PRKCH: variants seen among roughly 807,000 people sequenced by gnomAD.
The protein encoded by PRKCH is protein kinase C eta type.
A neutral mutation model predicts 82.5 loss-of-function variants in PRKCH; 28 were observed. The observed-to-expected ratio is 0.34, with a 90% confidence interval of 0.25 to 0.47. The LOEUF is 0.47. Ranked by LOEUF, PRKCH falls within the 20% of genes least tolerant of loss-of-function variation. The pLI, the probability that PRKCH is intolerant of heterozygous loss-of-function variation, is 1.00. For missense variants in PRKCH, 705 were observed against 881.8 expected, an observed-to-expected ratio of 0.80 and a Z score of 2.54; for synonymous variants, 322 against 327.4, an observed-to-expected ratio of 0.98 and a Z score of 0.18.
chr14:61,361,017 A>C (rs772462471), intron 1 of PRKCH: 1 of 152,248 alleles, frequency 6.6e-6, no homozygotes, highest in Non-Finnish European at 1.5e-5. Flanking sequence ...CATGATTGAC[A>C]ACCCCAGTGG....
At chr14:61,397,225 G>T (rs1218250254) in intron 2 of PRKCH, among the ~76,000 whole-genome samples, 9 of 152,186 alleles carry the variant, frequency 5.9e-5, no homozygotes, top group Non-Finnish European at 1.0e-4. Flanking sequence ...CACTGGATGT[G>T]GAGGATGAAG....
chr14:61,197,999 CG>C (rs1255097979), intron 1 of PRKCH, among the ~76,000 whole-genome samples: 3 of 152,020 alleles, frequency 2.0e-5, no homozygotes, highest in African/African-American at 4.8e-5. Context: ...ACTGGAATCC[CG>C]TGAGGTTTAA....
intron 2 of PRKCH, among the ~76,000 whole-genome samples, chr14:61,427,170 T>C (rs553653286): frequency 1.3e-5 from 2 of 152,120 alleles, no homozygotes; most frequent in Admixed American, 1.3e-4. Context: ...GGGAGTTGTA[T>C]GGGGGAGGGT....
chr14:61,502,362 A>G lies in PRKCH; in HGVS notation c.1433+16706A>G, dbSNP rs560318044. ...AGACATGAGCCACCATGCCCATTCAATCTTTTCTTTTATCAGAAGGGTCTA... is the reference window on the plus strand; with the variant it reads ...AGACATGAGCCACCATGCCCATTCAGTCTTTTCTTTTATCAGAAGGGTCTA... On this transcript the variant is annotated intron_variant, in intron 10 of 13. Coordinates refer to ENST00000332981, the MANE Select transcript of PRKCH (RefSeq NM_006255.5). Among the ~76,000 whole-genome samples the G allele has an allele frequency of 1.0e-3, 152 of 152,190 alleles. 3 individuals are homozygous for G. Among genetic ancestry groups the G allele is most frequent in the African/African-American group, 3.6e-3 (150 of 41,502 alleles).
In PRKCH at chr14:61,280,055, T is replaced by C. The variant is rs1174324083; in HGVS notation, c.-19+92387T>C. 1 of 1,537,910 alleles carries C rather than the reference T, an allele frequency of 6.5e-7. No individual in the cohort carries two copies. Among genetic ancestry groups the C allele is most frequent in the Non-Finnish European group, 8.8e-7 (1 of 1,141,790 alleles). On this transcript the variant is annotated intron_variant, in intron 1 of 3. Coordinates refer to the PRKCH transcript ENST00000555185. This position sits in a 1 kb window ranked among gnomAD's most constrained non-coding sequence, Gnocchi z 5.0. ...ATGCCAAAAGCACCTTGCAAGAGTT[T>C]TGGCAAGAAGCAGGAGGGATCCCTG...
chr14:61,222,849 C>T (rs1332661777), intron 1 of PRKCH, among the ~76,000 whole-genome samples: 1 of 152,182 alleles, frequency 6.6e-6, no homozygotes, highest in African/African-American at 2.4e-5. Flanking sequence ...AAATTTGAAC[C>T]TCAAAGATTC....
Position 61,485,619 on chromosome 14 carries a change from G to C in PRKCH, c.1396G>C (p.Ala466Pro). ...CTTCTATGCTGCAGAAATCATTTCGGCTCTCATGTTCCTCCATGATAAAGG... is the reference window on the plus strand; with the variant it reads ...CTTCTATGCTGCAGAAATCATTTCGCCTCTCATGTTCCTCCATGATAAAGG... ...ARFYAAEIISALMFLHDKGII... is the reference protein window; with the variant it reads ...ARFYAAEIISPLMFLHDKGII... The change falls in exon 10 of 14, where the codon GCT becomes CCT. Residue 466 changes from alanine (A) to proline (P), a missense_variant. Ala to Pro is a conservative substitution (Grantham distance 27). Around this residue, in one of 5 missense-constraint regions of PRKCH, gnomAD observed 238 missense variants for 258.1 expected, o/e 0.92. Transcript: ENST00000332981. 1 of 1,614,076 alleles carries C rather than the reference G, an allele frequency of 6.2e-7. No individual in the cohort carries two copies. The highest frequency in any genetic ancestry group is 8.5e-7 in the Non-Finnish European group (1 of 1,179,984).
intron 1 of PRKCH, among the ~76,000 whole-genome samples, chr14:61,213,367 A>G (rs1271084814): frequency 6.6e-6 from 1 of 152,202 alleles, no homozygotes; most frequent in African/African-American, 2.4e-5. Flanking sequence ...CAAGGTCTAT[A>G]AAATCCCATC....
At chr14:61,537,223 C>T (rs1040373067) in intron 12 of PRKCH, among the ~76,000 whole-genome samples, 1 of 152,188 alleles carries the variant, frequency 6.6e-6, no homozygotes, top group African/African-American at 2.4e-5. Context: ...AGCAGCCTGA[C>T]CTGCGACTCG....
chr14:61,503,001 CTTTTTTTTTT>C (rs34050696), intron 10 of PRKCH, among the ~76,000 whole-genome samples: 1 of 80,320 alleles, frequency 1.2e-5, no homozygotes, highest in Admixed American at 1.4e-4. Context: ...GGGAAGCAGG[CTTTTTTTTTT>C]TTTTTTTTTT....
chr14:61,457,840 G>C (rs1223730089), intron 9 of PRKCH, among the ~76,000 whole-genome samples, 161 bp downstream of exon 9: 2 of 152,198 alleles, frequency 1.3e-5, no homozygotes, highest in African/African-American at 4.8e-5. Context: ...CCAACCTCTG[G>C]AGGAAAAATG....
At chr14:61,471,784 C>T (rs948458052) in intron 9 of PRKCH, among the ~76,000 whole-genome samples, 1 of 151,872 alleles carries the variant, frequency 6.6e-6, no homozygotes, top group Non-Finnish European at 1.5e-5. Flanking sequence ...ACCAGCAGCA[C>T]CTCTCCAGTT....
intron 1 of PRKCH, among the ~76,000 whole-genome samples, chr14:61,215,027 G>A (rs1211256504): frequency 6.6e-6 from 1 of 152,084 alleles, no homozygotes; most frequent in Non-Finnish European, 1.5e-5. Context: ...AAGATCGATT[G>A]CATTTATCTT....
chr14:61,252,197 C>T (rs1018919609), intron 1 of PRKCH, among the ~76,000 whole-genome samples: 3 of 152,158 alleles, frequency 2.0e-5, no homozygotes, highest in Non-Finnish European at 4.4e-5. Context: ...AGATTGCTTC[C>T]CTCAGTATGG....
At position 61,328,123 on chromosome 14, in the gene PRKCH, G is replaced by A. The variant is rs902514968; in HGVS notation, c.363+5659G>A. Among the ~76,000 whole-genome samples the A allele has an allele frequency of 5.3e-4, 81 of 151,690 alleles. 1 individual carries two copies. The highest frequency in any genetic ancestry group is 1.7e-3 in the African/African-American group (69 of 41,404). On this transcript the variant is annotated intron_variant, in intron 1 of 13. Coordinates refer to ENST00000332981, the MANE Select transcript of PRKCH (RefSeq NM_006255.5). ...AAATTAGCCGGGCGCGGTGGCGGGC[G>A]CCTGTAGTCCCAGCTACTCGGGAGG...
At chr14:61,254,590 C>T (rs191880889) in intron 1 of PRKCH, among the ~76,000 whole-genome samples, 60 of 152,176 alleles carry the variant, frequency 3.9e-4, no homozygotes, top group African/African-American at 1.2e-3. Flanking sequence ...CACTCCATCC[C>T]GGTGACAGAC....
chr14:61,361,794 G>A (rs1179083501), intron 1 of PRKCH, among the ~76,000 whole-genome samples: 4 of 152,164 alleles, frequency 2.6e-5, no homozygotes, highest in Non-Finnish European at 2.9e-5. Flanking sequence ...CTCATTTTCA[G>A]AAAGATCTTT....
intron 9 of PRKCH, among the ~76,000 whole-genome samples, chr14:61,481,570 TAAG>T (rs922015158): frequency 2.0e-5 from 3 of 152,278 alleles, no homozygotes; most frequent in African/African-American, 7.2e-5. Context: ...CAGATGAAAA[TAAG>T]AAAAACATGG....
At chr14:61,409,130 A>G (rs762503824) in intron 2 of PRKCH, among the ~76,000 whole-genome samples, 32 of 152,134 alleles carry the variant, frequency 2.1e-4, no homozygotes, top group Non-Finnish European at 4.1e-4. Flanking sequence ...ATGCCACCGC[A>G]TTGCCTCTCC....
Sources: allele counts gnomAD v4.1 joint callset (sites outside exome capture counted in the v4.1 genomes callset), GRCh38; gene constraint gnomAD v4.1.1; regional missense constraint gnomAD v4.1.1; non-coding constraint Gnocchi (gnomAD v3.1); transcripts MANE v1.5; gene names NCBI Gene and HGNC (gene_info 2026-07-23, HGNC 2026-07-21).